Variants in ACSL4 observed in about 807,000 individuals in gnomAD.
ACSL4 encodes acyl-CoA synthetase long chain family member 4, also known as long-chain-fatty-acid--CoA ligase 4.
ACSL4 carries 9 observed loss-of-function variants against 49.1 expected under a neutral mutation model. The ratio of observed to expected loss-of-function variants is 0.18; its 90% CI spans 0.11 to 0.32. ACSL4 has a LOEUF of 0.32. ACSL4 is among the 10% of genes least tolerant of loss of function. The pLI, the probability that ACSL4 is intolerant of heterozygous loss-of-function variation, is 1.00. For synonymous variants in ACSL4, 191 were observed against 170.3 expected (o/e 1.12, Z -0.95); for missense variants, 333 against 493.7 (o/e 0.67, Z 3.08).
chrX:109,691,995 GC>G (rs1393755964), intron 2 of ACSL4: 3 of 111,956 alleles, frequency 2.7e-5, no homozygotes, highest in Non-Finnish European at 3.8e-5. Context: ...ATCTTTGGGT[GC>G]GTCTCTCACA....
intron 1 of ACSL4, among the ~76,000 whole-genome samples, chrX:109,699,764 T>C (rs1925730566): frequency 9.0e-6 from 1 of 111,477 alleles, no homozygotes; most frequent in African/African-American, 3.3e-5. Context: ...CTTCCAAAAT[T>C]TTCAAAAATA....
chrX:109,711,204 C>T, intron 1 of ACSL4, among the ~76,000 whole-genome samples: 1 of 112,553 alleles, frequency 8.9e-6, no homozygotes, highest in Non-Finnish European at 1.9e-5. Context: ...TCAAATGAAG[C>T]ATTTCATTCC....
chrX:109,717,050 A>G (rs1172226327), intron 1 of ACSL4, among the ~76,000 whole-genome samples: 1 of 112,276 alleles, frequency 8.9e-6, no homozygotes, highest in East Asian at 2.8e-4. Context: ...CAATATGAAT[A>G]GCAATAAAAT....
chrX:109,716,935 G>T (rs754577482), intron 1 of ACSL4, among the ~76,000 whole-genome samples: 2 of 112,383 alleles, frequency 1.8e-5, no homozygotes, highest in Non-Finnish European at 3.8e-5. Context: ...CATCTGCAAT[G>T]TAATGTACCT....
chrX:109,707,702 G>GA (rs891930805), intron 1 of ACSL4, among the ~76,000 whole-genome samples: 14 of 105,635 alleles, frequency 1.3e-4, no homozygotes, highest in Non-Finnish European at 2.3e-4. Context: ...ATGGATAACA[G>GA]AAAAAAAAAA....
At chrX:109,695,074 T>C (rs1455895160) in intron 2 of ACSL4, among the ~76,000 whole-genome samples, 6 of 111,539 alleles carry the variant, frequency 5.4e-5, no homozygotes, top group Admixed American at 3.8e-4. Flanking sequence ...CAGGCTGGTA[T>C]GGTGGCTCAT....
chrX:109,731,013 G>A (rs897191693), intron 1 of ACSL4, among the ~76,000 whole-genome samples: 6 of 110,934 alleles, frequency 5.4e-5, no homozygotes, highest in African/African-American at 9.8e-5. Flanking sequence ...AAAATAGTGC[G>A]GTATAACACA....
intron 15 of ACSL4, among the ~76,000 whole-genome samples, chrX:109,652,089 G>C (rs1921191271): frequency 9.0e-6 from 1 of 111,511 alleles, no homozygotes; most frequent in Non-Finnish European, 1.9e-5. Flanking sequence ...GCCATTAGTA[G>C]TTGCTCAAAT....
intron 9 of ACSL4, among the ~76,000 whole-genome samples, chrX:109,672,464 C>G (rs1024952847): frequency 1.2e-4 from 13 of 111,374 alleles, no homozygotes; most frequent in African/African-American, 4.3e-4. Context: ...CATTAAGTCA[C>G]CCTTTATCTC....
Position 109,676,822 on chromosome X carries a change from G to GCC in ACSL4, c.930+1164_930+1165dup, listed in dbSNP as rs1923734324. ...TGAGACTACCTTTGGAGATGCCTCA[G>GCC]CCCCTACCAATAGAACTTTCTGTGA... On this transcript the variant is annotated intron_variant, in intron 8 of 15. Coordinates refer to ENST00000672401, the MANE Select transcript of ACSL4 (RefSeq NM_001318510.2). 2.7e-5 allele frequency among the ~76,000 whole-genome samples: 3 copies of GCC among 111,836 alleles called. No homozygotes were observed. The South Asian group carries it at 1.1e-3, about 42-fold the overall frequency.
chrX:109,722,689 CTTTT>C (rs758474221), intron 1 of ACSL4, among the ~76,000 whole-genome samples: 52 of 102,069 alleles, frequency 5.1e-4, no homozygotes, highest in Admixed American at 5.3e-4. Context: ...GTGACCATGA[CTTTT>C]TTTTTTTTTT....
chrX:109,714,897 T>G (rs1392919423), intron 1 of ACSL4, among the ~76,000 whole-genome samples: 1 of 112,132 alleles, frequency 8.9e-6, no homozygotes, highest in Non-Finnish European at 1.9e-5. Context: ...CTACATGTAT[T>G]AAAAACAGCA....
At chrX:109,727,486 C>G (rs1377978797) in intron 1 of ACSL4, among the ~76,000 whole-genome samples, 2 of 111,584 alleles carry the variant, frequency 1.8e-5, no homozygotes, top group African/African-American at 6.5e-5. Context: ...TTTAAATAAC[C>G]CACACTTAAC....
intron 2 of ACSL4, among the ~76,000 whole-genome samples, chrX:109,685,269 A>AT (rs761499353): frequency 9.3e-6 from 1 of 108,068 alleles, no homozygotes; most frequent in Admixed American, 9.9e-5. Flanking sequence ...GTTTTTTTCC[A>AT]TTTTTTGTAG....
chrX:109,680,927 T>C (rs1924113296), intron 6 of ACSL4, 71 bp downstream of exon 6: 7 of 1,105,775 alleles, frequency 6.3e-6, no homozygotes, highest in Non-Finnish European at 8.7e-6. Context: ...CTCATGTCAT[T>C]TGTTTCCCTA....
chrX:109,730,868 G>A (rs1928382525), intron 1 of ACSL4, among the ~76,000 whole-genome samples: 2 of 111,306 alleles, frequency 1.8e-5, no homozygotes, highest in Non-Finnish European at 1.9e-5. Context: ...GGGTTCCACC[G>A]TATTAGCCAG....
chrX:109,644,035 G>A lies in ACSL4; in HGVS notation c.2007C>T (p.Gly669=). 1 of 1,211,135 alleles carries A rather than the reference G, an allele frequency of 8.3e-7. No homozygotes were observed. The highest frequency in any genetic ancestry group is 2.2e-5 in the Admixed American group (1 of 46,009). ...YLKDIERMYG[G]K is the part of the protein sequence containing the mutation. ...TCAATAAGACAACAACATTTTATTT[G>A]CCCCCATACATTCGTTCAATGTCTT... The change falls in exon 16 of 16, where the codon GGC becomes GGT. Residue 669 remains glycine, a synonymous_variant. Transcript: ENST00000672401.
intron 11 of ACSL4, among the ~76,000 whole-genome samples, chrX:109,666,168 A>G (rs747789201): frequency 8.0e-5 from 9 of 112,735 alleles, no homozygotes; most frequent in African/African-American, 1.3e-4. Flanking sequence ...GAAACAATTC[A>G]GAGAACATTT....
At chrX:109,695,439 C>T (rs189605148) in intron 2 of ACSL4, among the ~76,000 whole-genome samples, 261 of 109,748 alleles carry the variant, frequency 2.4e-3, no homozygotes, top group African/African-American at 7.8e-3. Flanking sequence ...CCACTGAGGA[C>T]GGGCGCGGTG....
Sources: gnomAD v4.1 joint callset for allele counts (sites outside exome capture counted in the v4.1 genomes callset) on GRCh38, gnomAD v4.1.1 for gene constraint, MANE v1.5 for transcripts, NCBI Gene and HGNC (gene_info 2026-07-23, HGNC 2026-07-21) for gene names.